The following WDR70 variants were observed in gnomAD, a reference collection of about 807,000 sequenced individuals.
WDR70 encodes the protein WD repeat-containing protein 70.
In WDR70, 53 loss-of-function variants were observed where a neutral mutation model predicts 88.6. That is an observed-to-expected ratio of 0.60 (90% confidence interval 0.48 to 0.75). The LOEUF (loss-of-function observed/expected upper bound fraction) is 0.75. Among genes scored for constraint, WDR70 ranks in the 30% least tolerant of loss-of-function variants. The pLI is 0.00. For synonymous variants in WDR70, 280 were observed against 270.0 expected (o/e 1.04, Z -0.36); for missense variants, 610 against 823.2 (o/e 0.74, Z 3.17).
chr5:37,401,164 A>ATTTTTT lies in WDR70; in HGVS notation c.492+4615_492+4620dup, dbSNP rs559450523. Among the ~76,000 whole-genome samples, 4 of 69,162 alleles carry ATTTTTT rather than the reference A, an allele frequency of 5.8e-5. 1 individual carries two copies. Among genetic ancestry groups the ATTTTTT allele is most frequent in the Middle Eastern group, 0.023 (2 of 88 alleles). 45.4% of individuals were successfully genotyped at this position (69,162 alleles called of 152,430 possible). ...CAGGCATGTGCCTCTACACCTAGCT[A>ATTTTTT]TTTTTTTTTTTTTTTTTTTTTTTTT... On this transcript the variant is annotated intron_variant, in intron 5 of 17. Transcript: ENST00000265107.
chr5:37,733,433 C>T (rs1748210984), intron 17 of WDR70, among the ~76,000 whole-genome samples: 1 of 152,068 alleles, frequency 6.6e-6, no homozygotes, highest in African/African-American at 2.4e-5. Context: ...TTCTAATTTA[C>T]TTATTTCAAG....
At chr5:37,580,218 T>A (rs567816586) in intron 9 of WDR70, among the ~76,000 whole-genome samples, 3 of 152,350 alleles carry the variant, frequency 2.0e-5, no homozygotes, top group Admixed American at 2.0e-4. Flanking sequence ...ATTAAGATAG[T>A]TTATTTGGAA....
rs114527445 is a variant in WDR70, at chr5:37,537,253, G to T, written c.917+20663G>T. On this transcript the variant is annotated intron_variant, in intron 9 of 17. Transcript: ENST00000265107. ...GGGAAAATATCCATGATATAAGAAA[G>T]TGTACTCATATTGCATCTGGGTTGA... Among the ~76,000 whole-genome samples the T allele has an allele frequency of 2.2e-3, 334 of 152,250 alleles. 1 individual carries two copies. The highest frequency in any genetic ancestry group is 7.6e-3 in the African/African-American group (315 of 41,548).
intron 4 of WDR70, among the ~76,000 whole-genome samples, chr5:37,394,775 C>G (rs572056065): frequency 3.2e-4 from 49 of 152,202 alleles, no homozygotes; most frequent in African/African-American, 1.0e-3. Context: ...TTGTTGTGAA[C>G]CAAACTTAAC....
Position 37,713,082 on chromosome 5 carries a change from T to C in WDR70, c.1417-8033T>C, listed in dbSNP as rs372947577. Among the ~76,000 whole-genome samples, 46 of 152,318 alleles carry C rather than the reference T, an allele frequency of 3.0e-4. 2 individuals are homozygous for C. In the South Asian group the frequency reaches 9.3e-3, roughly 31 times the overall value. ...AGTTTTTTAGATTCTCTATTCTATG[T>C]TCTCTTCTTTGAAATAACGTTTACT... On this transcript the variant is annotated intron_variant, in intron 13 of 17. Transcript: ENST00000265107.
chr5:37,672,430 C>T (rs1296255311), intron 10 of WDR70, among the ~76,000 whole-genome samples: 2 of 152,110 alleles, frequency 1.3e-5, no homozygotes, highest in Admixed American at 6.5e-5. Flanking sequence ...AAAACCCGCT[C>T]GTACATTCGT....
chr5:37,685,633 C>T (rs190152558), intron 10 of WDR70, among the ~76,000 whole-genome samples: 1 of 152,184 alleles, frequency 6.6e-6, no homozygotes, highest in East Asian at 1.9e-4. Flanking sequence ...CAAGTCAATC[C>T]TAGGGGTATG....
intron 10 of WDR70, among the ~76,000 whole-genome samples, chr5:37,615,351 G>A (rs1025470489): frequency 6.6e-5 from 10 of 151,966 alleles, no homozygotes; most frequent in African/African-American, 2.2e-4. Flanking sequence ...TGAAAAAGAC[G>A]CACACCAAGC....
At chr5:37,607,342 T>G (rs181640038) in intron 10 of WDR70, among the ~76,000 whole-genome samples, 48 of 152,052 alleles carry the variant, frequency 3.2e-4, no homozygotes, top group Non-Finnish European at 5.7e-4. Context: ...AACAATAGTT[T>G]TTCCAAACAG....
intron 12 of WDR70, among the ~76,000 whole-genome samples, chr5:37,701,679 G>A (rs562839372): frequency 3.3e-5 from 5 of 151,738 alleles, no homozygotes; most frequent in African/African-American, 9.7e-5. Context: ...CCAGCTACTC[G>A]GGAGGCTGAG....
At chr5:37,481,084 C>T (rs1020033175) in intron 8 of WDR70, among the ~76,000 whole-genome samples, 43 of 152,322 alleles carry the variant, frequency 2.8e-4, no homozygotes, top group African/African-American at 9.4e-4. Flanking sequence ...AGTGGGTTCC[C>T]AGGGTCTTGG....
Position 37,605,227 on chromosome 5 carries a change from C to A in WDR70, c.1081C>A (p.Arg361=). ...CQNGSIQIWD[R]NLTVHPKFHY... is the part of the protein sequence containing the mutation. Reference sequence around the variant, plus strand: ...GAATGGAAGCATACAGATCTGGGACCGAAATTTGACTGTAAGTTAAATCTT... The same window carrying A: ...GAATGGAAGCATACAGATCTGGGACAGAAATTTGACTGTAAGTTAAATCTT... Residue 361 remains arginine, a synonymous_variant, in exon 10 of 18, where the codon CGA becomes AGA. Transcript: ENST00000265107. 6.3e-7 allele frequency: 1 copy of A among 1,589,192 alleles called. No individual in the cohort carries two copies.
intron 14 of WDR70, chr5:37,722,473 C>A (rs757270138): frequency 5.3e-5 from 11 of 206,360 alleles, no homozygotes; most frequent in Non-Finnish European, 9.9e-5. Context: ...GGGGTGTAGA[C>A]CACCCAGGTT....
intron 4 of WDR70, 56 bp downstream of exon 4, chr5:37,392,176 A>ATT: frequency 6.6e-6 from 9 of 1,361,036 alleles, no homozygotes; most frequent in Non-Finnish European, 8.9e-6. Context: ...GTGTTTATAG[A>ATT]GTTTTTTTTT....
At chr5:37,643,474 TG>T (rs932825520) in intron 10 of WDR70, among the ~76,000 whole-genome samples, 3 of 151,984 alleles carry the variant, frequency 2.0e-5, no homozygotes, top group Admixed American at 6.6e-5. Flanking sequence ...CTGAGTTTTT[TG>T]TGGTTCCATA....
chr5:37,437,921 G>A lies in WDR70; in HGVS notation c.493-1G>A, dbSNP rs1315116421. On this transcript the variant is annotated splice_acceptor_variant, in intron 5 of 17. Transcript: ENST00000265107. LOFTEE classifies it high-confidence loss of function. ...AATGTCATGGGGTTTTCTTGTTTCA[G>A]AATCCTGTTCACAAGATTCCTGACT... 1 of 1,604,910 alleles carries A rather than the reference G, an allele frequency of 6.2e-7. No homozygotes were observed. Among genetic ancestry groups the A allele is most frequent in the Non-Finnish European group, 8.5e-7 (1 of 1,175,394 alleles).
At chr5:37,564,344 C>T (rs1010533602) in intron 9 of WDR70, among the ~76,000 whole-genome samples, 3 of 152,336 alleles carry the variant, frequency 2.0e-5, no homozygotes, top group Non-Finnish European at 4.4e-5. Context: ...GCCAACACAG[C>T]GAAACCCCGT....
intron 17 of WDR70, among the ~76,000 whole-genome samples, chr5:37,734,941 A>T (rs969877764): frequency 6.6e-6 from 1 of 152,168 alleles, no homozygotes; most frequent in African/African-American, 2.4e-5. Flanking sequence ...CTAAGGTGTT[A>T]GACTGGCTTC....
At chr5:37,605,694 A>G (rs527644204) in intron 10 of WDR70, among the ~76,000 whole-genome samples, 1 of 152,158 alleles carries the variant, frequency 6.6e-6, no homozygotes, top group Non-Finnish European at 1.5e-5. Flanking sequence ...TAATATTTTA[A>G]TATTCTATGA....
Sources: allele counts gnomAD v4.1 joint callset (sites outside exome capture counted in the v4.1 genomes callset), GRCh38; gene constraint gnomAD v4.1.1; transcripts MANE v1.5; gene names NCBI Gene and HGNC (gene_info 2026-07-23, HGNC 2026-07-21).